The following SYT9 variants were observed in gnomAD, a reference collection of about 807,000 sequenced individuals.
The protein encoded by SYT9 is synaptotagmin-9.
A neutral mutation model predicts 48.4 loss-of-function variants in SYT9; 22 were observed. The observed-to-expected ratio is 0.45, with a 90% CI of 0.32 to 0.65. The LOEUF (loss-of-function observed/expected upper bound fraction) is 0.65, where lower values mean the gene tolerates loss of function less well. Ranked by LOEUF, SYT9 falls within the 30% of genes least tolerant of loss-of-function variation. The pLI, the probability that SYT9 is intolerant of heterozygous loss-of-function variation, is 0.03. For missense variants in SYT9, 577 were observed against 622.0 expected (o/e 0.93, Z 0.77); for synonymous variants, 265 against 245.0 (o/e 1.08, Z -0.76).
chr11:7,460,614 G>A (rs1331068685), intron 6 of SYT9, among the ~76,000 whole-genome samples: 1 of 152,044 alleles, frequency 6.6e-6, no homozygotes, highest in East Asian at 1.9e-4. Flanking sequence ...TATAAATGTA[G>A]TATAATAGAT....
intron 3 of SYT9, among the ~76,000 whole-genome samples, chr11:7,322,457 A>G (rs1349953640): frequency 6.6e-6 from 1 of 152,188 alleles, no homozygotes; most frequent in Non-Finnish European, 1.5e-5. Flanking sequence ...TATCTTTATG[A>G]GAGTCCACTG....
intron 1 of SYT9, among the ~76,000 whole-genome samples, chr11:7,263,380 C>T (rs149292439): frequency 2.6e-5 from 4 of 152,276 alleles, no homozygotes; most frequent in Non-Finnish European, 5.9e-5. Flanking sequence ...GCTCTGCTCT[C>T]ATAGTCTAGT....
intron 6 of SYT9, among the ~76,000 whole-genome samples, chr11:7,451,644 T>C (rs956507651): frequency 6.6e-6 from 1 of 151,930 alleles, no homozygotes; most frequent in Non-Finnish European, 1.5e-5. Flanking sequence ...TCGGGGTGAG[T>C]GTGTGACCCA....
rs147226805 is a variant in SYT9, at chr11:7,412,477, C to G, written c.1045-3565C>G. ...ATCAGTGGTATCTGTGATTTATTTC[C>G]TTGATAGCTTAGGGTGTGGTTATTA... On this transcript the variant is annotated intron_variant, in intron 3 of 6. Transcript: ENST00000318881. Among the ~76,000 whole-genome samples the G allele has an allele frequency of 8.7e-4, 133 of 152,218 alleles. No individual in the cohort carries two copies. In the Middle Eastern group the frequency reaches 0.014, roughly 16 times the overall value.
chr11:7,384,400 C>G (rs2134050497), intron 3 of SYT9, among the ~76,000 whole-genome samples: 1 of 152,318 alleles, frequency 6.6e-6, no homozygotes, highest in East Asian at 1.9e-4. Flanking sequence ...TCCAGTACTT[C>G]TCCCCCTCCA....
intron 6 of SYT9, among the ~76,000 whole-genome samples, chr11:7,445,193 A>T (rs1847904330): frequency 6.6e-6 from 1 of 152,264 alleles, no homozygotes; most frequent in Non-Finnish European, 1.5e-5. Context: ...TTAACACAGC[A>T]TCTGGAACTT....
At chr11:7,456,953 G>T (rs1848158458) in intron 6 of SYT9, 1 of 152,158 alleles carries the variant, frequency 6.6e-6, no homozygotes, top group South Asian at 2.1e-4. Flanking sequence ...ACTCCTTCAA[G>T]TACTAAAGTA....
Position 7,418,107 on chromosome 11 carries a change from T to C in SYT9, c.1316T>C (p.Ile439Thr). Reference protein sequence around the residue: ...PENIDQIHLSIAVMDYDRVGH... With the variant: ...PENIDQIHLSTAVMDYDRVGH... ...AACATTGACCAAATCCACTTGTCCATAGCAGTCATGGACTATGACCGGTGA... is the reference window on the plus strand; with the variant it reads ...AACATTGACCAAATCCACTTGTCCACAGCAGTCATGGACTATGACCGGTGA... Residue 439 changes from isoleucine (I) to threonine (T), a missense_variant, in exon 5 of 7, where the codon ATA becomes ACA. By Grantham distance (89) the Ile-to-Thr change is moderately conservative. Coordinates refer to ENST00000318881, the MANE Select transcript of SYT9 (RefSeq NM_175733.4). 1 of 1,614,014 alleles carries C rather than the reference T, an allele frequency of 6.2e-7. No homozygotes were observed. The highest frequency in any genetic ancestry group is 1.1e-5 in the South Asian group (1 of 91,062).
At chr11:7,270,642 A>G (rs551818013) in intron 1 of SYT9, among the ~76,000 whole-genome samples, 3 of 152,348 alleles carry the variant, frequency 2.0e-5, no homozygotes. Flanking sequence ...TTAGACAACA[A>G]TAATTCTTCA....
At position 7,313,935 on chromosome 11, in the gene SYT9, C is replaced by G; in HGVS notation, c.1038C>G (p.Val346=). ...TCCTTTGGAAGGATATCGAATATGT[C>G]ACCAATGTGAGTCCAGCATTTCTTC... ...ECILWKDIEY[V]TNDNVDLGEL... is the part of the protein sequence containing the mutation. Residue 346 remains valine, a synonymous_variant, in exon 3 of 7, where the codon GTC becomes GTG. Coordinates refer to ENST00000318881, the MANE Select transcript of SYT9 (RefSeq NM_175733.4). The G allele has an allele frequency of 6.2e-7, 1 of 1,609,560 alleles. No homozygotes were observed. The highest frequency in any genetic ancestry group is 8.5e-7 in the Non-Finnish European group (1 of 1,178,388).
rs779333159 is a variant in SYT9, at chr11:7,369,687, T to G, written c.1045-46355T>G. ...AGGAAGTGATCCAGTTTCTGTTTTC[T>G]GCATATGGCTAGCCAGTTCTCCGGA... On this transcript the variant is annotated intron_variant, in intron 3 of 6. Coordinates refer to ENST00000318881, the MANE Select transcript of SYT9 (RefSeq NM_175733.4). Among the ~76,000 whole-genome samples the G allele has an allele frequency of 4.7e-4, 72 of 151,848 alleles. 1 individual carries two copies. Among genetic ancestry groups the G allele is most frequent in the Non-Finnish European group, 9.3e-4 (63 of 67,996 alleles).
chr11:7,296,918 C>T (rs1209414469), intron 1 of SYT9, among the ~76,000 whole-genome samples: 1 of 152,134 alleles, frequency 6.6e-6, no homozygotes, highest in East Asian at 1.9e-4. Context: ...ACCACCTTCC[C>T]TACAAAGCAC....
chr11:7,316,240 TG>T (rs1214442278), intron 3 of SYT9, among the ~76,000 whole-genome samples: 1 of 152,058 alleles, frequency 6.6e-6, no homozygotes, highest in Non-Finnish European at 1.5e-5. Context: ...TTACTTCTAT[TG>T]ACCCTTGAAT....
chr11:7,242,952 G>A (rs763703140), intron 1 of SYT9, among the ~76,000 whole-genome samples: 2 of 151,976 alleles, frequency 1.3e-5, no homozygotes, highest in African/African-American at 2.4e-5. Context: ...AGGCTGAGGC[G>A]GGAGAATTGC....
chr11:7,438,455 A>C (rs1029273068), intron 6 of SYT9: 2 of 152,214 alleles, frequency 1.3e-5, no homozygotes, highest in Admixed American at 6.5e-5. Context: ...TCTTAGTACA[A>C]GGGCAGAGGA....
rs1213736207 is a variant in SYT9, at chr11:7,353,074, A to T, written c.1044+39133A>T. Among the ~76,000 whole-genome samples, 13 of 152,124 alleles carry T rather than the reference A, an allele frequency of 8.5e-5. No individual in the cohort carries two copies. The East Asian group carries it at 2.5e-3, about 29-fold the overall frequency. ...TTTTGATGTGCATGTGCCAGTTACA[A>T]AGTTATTTTCTTTCAGCTTCAAATT... On this transcript the variant is annotated intron_variant, in intron 3 of 6. Coordinates refer to ENST00000318881, the MANE Select transcript of SYT9 (RefSeq NM_175733.4).
At chr11:7,424,668 G>A (rs555687844) in intron 6 of SYT9, among the ~76,000 whole-genome samples, 2 of 152,308 alleles carry the variant, frequency 1.3e-5, no homozygotes, top group East Asian at 3.9e-4. Context: ...AGAAGAAAGA[G>A]AATCCGATCA....
At chr11:7,404,649 A>G (rs1207496257) in intron 3 of SYT9, among the ~76,000 whole-genome samples, 1 of 152,086 alleles carries the variant, frequency 6.6e-6, no homozygotes, top group African/African-American at 2.4e-5. Context: ...CTCAATATCG[A>G]TTTTTCAACC....
rs888600685 is a variant in SYT9, at chr11:7,303,342, A to T, written c.449A>T (p.His150Leu). ...TQTGIQENCAHGVRVQRQVTE... is the reference protein window; with the variant it reads ...TQTGIQENCALGVRVQRQVTE... ...ACGGGGATCCAGGAGAACTGTGCCCATGGCGTCCGCGTGCAGCGCCAAGTC... is the reference window on the plus strand; with the variant it reads ...ACGGGGATCCAGGAGAACTGTGCCCTTGGCGTCCGCGTGCAGCGCCAAGTC... Residue 150 changes from histidine (H) to leucine (L), a missense_variant, in exon 2 of 7, where the codon CAT becomes CTT. Coordinates refer to ENST00000318881, the MANE Select transcript of SYT9 (RefSeq NM_175733.4). 6 of 1,613,114 alleles carry T rather than the reference A, an allele frequency of 3.7e-6. No individual in the cohort carries two copies. The African/African-American group carries it at 8.0e-5, about 22-fold the overall frequency.
Sources: gnomAD v4.1 joint callset for allele counts (sites outside exome capture counted in the v4.1 genomes callset) on GRCh38, gnomAD v4.1.1 for gene constraint, MANE v1.5 for transcripts, NCBI Gene and HGNC (gene_info 2026-07-23, HGNC 2026-07-21) for gene names.